CTDSPL2: variants seen among roughly 807,000 people sequenced by gnomAD.
CTDSPL2 encodes CTD small phosphatase like 2, also known as CTD small phosphatase-like protein 2.
Under a neutral mutation model 60.0 loss-of-function variants are expected in CTDSPL2, and 5 were observed. The ratio of observed to expected loss-of-function variants is 0.08; its 90% CI spans 0.04 to 0.18. The LOEUF (loss-of-function observed/expected upper bound fraction) is 0.18. Among genes scored for constraint, CTDSPL2 ranks in the 10% least tolerant of loss-of-function variants. CTDSPL2 has a pLI of 1.00. For missense variants in CTDSPL2, 370 were observed against 548.8 expected (o/e 0.67, Z 3.26); for synonymous variants, 186 against 189.3 (o/e 0.98, Z 0.14).
At position 44,488,778 on chromosome 15, in the gene CTDSPL2, C is replaced by T. The variant is rs146281115; in HGVS notation, c.476-2006C>T. Among the ~76,000 whole-genome samples the T allele has an allele frequency of 1.9e-3, 294 of 152,240 alleles. 1 individual carries two copies. Among genetic ancestry groups the T allele is most frequent in the African/African-American group, 6.7e-3 (278 of 41,548 alleles). ...AGGTTGCAGTGAGCTGAGATCGCAC[C>T]ATTGCACTCCAGCCTGGGCAACAAG... On this transcript the variant is annotated intron_variant, in intron 4 of 12. Transcript: ENST00000260327.
At chr15:44,448,299 G>A (rs2080260850) in intron 1 of CTDSPL2, 1 of 270,536 alleles carries the variant, frequency 3.7e-6, no homozygotes, top group Non-Finnish European at 7.5e-6. Context: ...TTTGGTCAAG[G>A]CCCAGCAGGC....
At chr15:44,501,968 T>C in intron 8 of CTDSPL2, 1 of 455,256 alleles carries the variant, frequency 2.2e-6, no homozygotes. Context: ...TCAGTGGTGT[T>C]GTCTCCATCT....
intron 1 of CTDSPL2, among the ~76,000 whole-genome samples, chr15:44,442,639 T>A (rs1461318118): frequency 6.6e-6 from 1 of 151,456 alleles, no homozygotes; most frequent in Non-Finnish European, 1.5e-5. Context: ...TTTTCTTCTG[T>A]CCCCATTATT....
chr15:44,493,858 G>A (rs897394020), intron 5 of CTDSPL2, among the ~76,000 whole-genome samples: 9 of 152,040 alleles, frequency 5.9e-5, no homozygotes, highest in African/African-American at 2.2e-4. Context: ...ACTTGAAATG[G>A]TAAAGTTGTT....
chr15:44,471,149 C>T (rs1326362656), intron 2 of CTDSPL2, among the ~76,000 whole-genome samples: 1 of 152,106 alleles, frequency 6.6e-6, no homozygotes, highest in Non-Finnish European at 1.5e-5. Context: ...TTTTTGGTTT[C>T]TTCCGCGTTA....
chr15:44,470,088 ACT>A (rs2080774382), intron 2 of CTDSPL2, among the ~76,000 whole-genome samples: 2 of 126,432 alleles, frequency 1.6e-5, no homozygotes, highest in Non-Finnish European at 3.1e-5. Flanking sequence ...ACAGAGCGAG[ACT>A]CTGTCTCAAA....
chr15:44,497,016 C>T lies in CTDSPL2; in HGVS notation c.771-11C>T. The T allele has an allele frequency of 6.7e-7, 1 of 1,494,588 alleles. No individual in the cohort carries two copies. Among genetic ancestry groups the T allele is most frequent in the Non-Finnish European group, 9.3e-7 (1 of 1,079,240 alleles). The allele number at this position is 1,494,588 out of a possible 1,614,324, so 92.6% of individuals were successfully genotyped here. The stretch of plus-strand genomic sequence containing the variant: ...TAAAATGTTGAAATTTTCTTAAAAT[C>T]TGATTTATAGCTATTATTTCATCAA... On this transcript the variant is annotated splice_polypyrimidine_tract_variant and intron_variant, in intron 6 of 12. Coordinates refer to ENST00000260327, the MANE Select transcript of CTDSPL2 (RefSeq NM_016396.3).
intron 1 of CTDSPL2, among the ~76,000 whole-genome samples, chr15:44,447,191 G>C (rs1348983925): frequency 2.0e-5 from 3 of 152,170 alleles, no homozygotes; most frequent in Non-Finnish European, 4.4e-5. Flanking sequence ...GGTTGAGAAG[G>C]TTAAGTGAAA....
chr15:44,496,228 A>G, intron 5 of CTDSPL2, 152 bp from the exon 6 acceptor site: 2 of 549,560 alleles, frequency 3.6e-6, no homozygotes, highest in Non-Finnish European at 6.6e-6. Context: ...TTAGATCTGT[A>G]TGTTAATAAA....
intron 3 of CTDSPL2, 96 bp from the exon 4 acceptor site, chr15:44,486,455 A>T (rs1405383187): frequency 6.1e-6 from 5 of 824,914 alleles, no homozygotes; most frequent in Non-Finnish European, 7.2e-6. Flanking sequence ...AAGTATTTTG[A>T]GGGAAAAAGA....
Position 44,459,132 on chromosome 15 carries a change from A to G in CTDSPL2, c.118A>G (p.Lys40Glu). 1 of 1,613,372 alleles carries G rather than the reference A, an allele frequency of 6.2e-7. No individual in the cohort carries two copies. The highest frequency in any genetic ancestry group is 1.1e-5 in the South Asian group (1 of 91,012). ...TGATAGCCTGCCTTCAGGAGGAGAA[A>G]AACCATCGAAGAATGAAACCGGCTT... ...VDDSLPSGGE[K>E]PSKNETGLLS... is the part of the protein sequence containing the mutation. The change falls in exon 2 of 13, where the codon AAA (lysine) becomes GAA (glutamate). Residue 40 changes from lysine (K) to glutamate (E), a missense_variant. Physicochemically the swap from Lys to Glu is moderately conservative, Grantham distance 56. This residue lies in a region of CTDSPL2 where 287 missense variants were observed against 296.1 expected (regional missense o/e 0.97). Transcript: ENST00000260327.
intron 1 of CTDSPL2, 77 bp downstream of exon 1, chr15:44,427,849 C>A: frequency 2.5e-6 from 1 of 396,138 alleles, no homozygotes; most frequent in South Asian, 1.4e-4. Flanking sequence ...CTGCCGGGAT[C>A]TCCTCCCCTT....
intron 2 of CTDSPL2, among the ~76,000 whole-genome samples, chr15:44,481,025 A>G (rs908292013): frequency 6.6e-6 from 1 of 152,118 alleles, no homozygotes; most frequent in African/African-American, 2.4e-5. Flanking sequence ...GGATTGGGTG[A>G]CAAATTGTCA....
At chr15:44,521,538 A>G in intron 12 of CTDSPL2, 132 bp downstream of exon 12, 2 of 504,114 alleles carry the variant, frequency 4.0e-6, no homozygotes, top group South Asian at 5.7e-5. Context: ...AGGTGCCATC[A>G]TAGGCGCCTG....
At chr15:44,453,352 G>C (rs144177251) in intron 1 of CTDSPL2, among the ~76,000 whole-genome samples, 2 of 151,786 alleles carry the variant, frequency 1.3e-5, no homozygotes, top group Non-Finnish European at 2.9e-5. Flanking sequence ...AATATGAAAG[G>C]GTGTTGGATT....
At chr15:44,450,713 C>T (rs564325465) in intron 1 of CTDSPL2, among the ~76,000 whole-genome samples, 1 of 149,514 alleles carries the variant, frequency 6.7e-6, no homozygotes, top group Non-Finnish European at 1.5e-5. Context: ...TCTCCTGCCT[C>T]AGCCTCCAAG....
chr15:44,480,393 G>T (rs75944550), intron 2 of CTDSPL2, among the ~76,000 whole-genome samples: 1 of 152,094 alleles, frequency 6.6e-6, no homozygotes, highest in Non-Finnish European at 1.5e-5. Flanking sequence ...TATTGTGCCT[G>T]TTGGTTTGTT....
intron 1 of CTDSPL2, among the ~76,000 whole-genome samples, chr15:44,445,729 C>G (rs1440604431): frequency 2.6e-5 from 4 of 151,400 alleles, no homozygotes; most frequent in African/African-American, 9.7e-5. Context: ...CTTCCGTCTT[C>G]CAGGTTCAAG....
chr15:44,510,304 C>T (rs1393084176), intron 8 of CTDSPL2, among the ~76,000 whole-genome samples: 1 of 152,134 alleles, frequency 6.6e-6, no homozygotes, highest in Admixed American at 6.6e-5. Flanking sequence ...GGCACCACAA[C>T]ACTCTTTTAC....
Sources: gnomAD v4.1 joint callset for allele counts (sites outside exome capture counted in the v4.1 genomes callset) on GRCh38, gnomAD v4.1.1 for gene constraint, gnomAD v4.1.1 regional missense constraint, MANE v1.5 for transcripts, NCBI Gene and HGNC (gene_info 2026-07-23, HGNC 2026-07-21) for gene names.